The following DCDC1 variants were observed in gnomAD, a reference collection of about 807,000 sequenced individuals.
DCDC1 encodes doublecortin domain containing 1, also known as doublecortin domain-containing protein 1.
A neutral mutation model predicts 178.3 loss-of-function variants in DCDC1; 200 were observed. That is an observed-to-expected ratio of 1.12 (90% CI 1.00 to 1.26). The LOEUF is 1.26. Among genes scored for constraint, DCDC1 ranks in the 50% most tolerant of loss-of-function variants. The pLI is 0.00. For synonymous variants in DCDC1, 690 were observed against 604.8 expected, an observed-to-expected ratio of 1.14 and a Z score of -2.07; for missense variants, 1,983 against 1,749.2, an observed-to-expected ratio of 1.13 and a Z score of -2.38.
At chr11:31,222,756 A>T (rs896144878) in intron 9 of DCDC1, among the ~76,000 whole-genome samples, 1 of 152,060 alleles carries the variant, frequency 6.6e-6, no homozygotes, top group East Asian at 1.9e-4. Flanking sequence ...GAGAGAGTGT[A>T]TGCTCTCTGG....
chr11:31,062,633 A>T (rs1303947084), intron 20 of DCDC1, among the ~76,000 whole-genome samples: 1 of 152,206 alleles, frequency 6.6e-6, no homozygotes, highest in Non-Finnish European at 1.5e-5. Context: ...CAAAACAACA[A>T]GTACAAAAGA....
intron 9 of DCDC1, among the ~76,000 whole-genome samples, chr11:31,234,463 C>A: frequency 6.6e-6 from 1 of 152,016 alleles, no homozygotes; most frequent in East Asian, 1.9e-4. Context: ...GCAATGATAC[C>A]CAAGATGTTT....
At position 31,170,427 on chromosome 11, in the gene DCDC1, G is replaced by A. The variant is rs76683100; in HGVS notation, c.1222-32643C>T. ...ATATCAATGCTAAAGACTTGGTAGGGGTGAGAGAGAAGTATGGAATAGGTA... is the reference window on the plus strand; with the variant it reads ...ATATCAATGCTAAAGACTTGGTAGGAGTGAGAGAGAAGTATGGAATAGGTA... On this transcript the variant is annotated intron_variant, in intron 9 of 38. Coordinates refer to ENST00000684477, the MANE Select transcript of DCDC1 (RefSeq NM_001387274.1). Among the ~76,000 whole-genome samples the A allele has an allele frequency of 2.6e-3, 397 of 152,236 alleles. 1 individual carries two copies. Among genetic ancestry groups the A allele is most frequent in the Non-Finnish European group, 4.3e-3 (291 of 68,020 alleles).
chr11:31,045,734 G>A (rs1359311202), intron 20 of DCDC1, among the ~76,000 whole-genome samples: 1 of 152,092 alleles, frequency 6.6e-6, no homozygotes, highest in Non-Finnish European at 1.5e-5. Context: ...CATAAGTGCA[G>A]TCAAGTAATT....
chr11:31,189,234 C>T (rs1969860516), intron 9 of DCDC1, among the ~76,000 whole-genome samples: 1 of 152,036 alleles, frequency 6.6e-6, no homozygotes, highest in Admixed American at 6.6e-5. Context: ...GGAAAGGACC[C>T]AAATATGAGA....
At chr11:30,888,631 C>T (rs1285228808) in intron 36 of DCDC1, among the ~76,000 whole-genome samples, 3 of 152,146 alleles carry the variant, frequency 2.0e-5, no homozygotes, top group Admixed American at 6.5e-5. Flanking sequence ...GCAGGAGAAT[C>T]GCTTGAACCC....
At chr11:31,144,366 T>C (rs1201214268) in intron 9 of DCDC1, among the ~76,000 whole-genome samples, 1 of 152,108 alleles carries the variant, frequency 6.6e-6, no homozygotes, top group Non-Finnish European at 1.5e-5. Flanking sequence ...ATCAAACTCC[T>C]GAGCAGGTGA....
chr11:31,326,926 T>C (rs1949678358), intron 3 of DCDC1, among the ~76,000 whole-genome samples: 1 of 152,164 alleles, frequency 6.6e-6, no homozygotes, highest in Non-Finnish European at 1.5e-5. Context: ...ATGACAAATA[T>C]CTTTTAGTTC....
At chr11:31,096,095 G>A (rs747091835) in intron 15 of DCDC1, among the ~76,000 whole-genome samples, 3 of 152,060 alleles carry the variant, frequency 2.0e-5, no homozygotes, top group Non-Finnish European at 2.9e-5. Flanking sequence ...ACTATCATAA[G>A]GATAAAACTA....
At chr11:31,097,317 C>T (rs1958226179) in intron 15 of DCDC1, among the ~76,000 whole-genome samples, 1 of 152,102 alleles carries the variant, frequency 6.6e-6, no homozygotes, top group South Asian at 2.1e-4. Context: ...TACTAAGAAA[C>T]AGAACACGAG....
intron 9 of DCDC1, among the ~76,000 whole-genome samples, chr11:31,152,003 C>A (rs1169855904): frequency 1.3e-5 from 2 of 152,164 alleles, no homozygotes; most frequent in African/African-American, 2.4e-5. Flanking sequence ...CATGTTAATT[C>A]ACTTGATGTA....
At chr11:31,077,964 T>G (rs1296311093) in intron 17 of DCDC1, 39 bp from the exon 18 acceptor site, 2 of 763,394 alleles carry the variant, frequency 2.6e-6, no homozygotes, top group Non-Finnish European at 4.8e-6. Context: ...ACATCTTCTC[T>G]CCACAGAAAC....
chr11:31,289,076 T>C (rs1052005541), intron 7 of DCDC1, among the ~76,000 whole-genome samples: 4 of 152,044 alleles, frequency 2.6e-5, no homozygotes, highest in African/African-American at 4.8e-5. Context: ...AAAGACTTCA[T>C]TGATCATCCA....
chr11:31,105,854 G>A (rs903542125), intron 13 of DCDC1, among the ~76,000 whole-genome samples: 3 of 152,062 alleles, frequency 2.0e-5, no homozygotes, highest in African/African-American at 7.2e-5. Context: ...GCTTTGCTAA[G>A]ATTTAGGTTT....
intron 9 of DCDC1, among the ~76,000 whole-genome samples, chr11:31,178,780 C>G (rs546223461): frequency 2.0e-5 from 3 of 152,238 alleles, no homozygotes; most frequent in Admixed American, 2.0e-4. Flanking sequence ...ACAACCTCTA[C>G]CTCCTGGGTT....
At chr11:31,119,044 C>T (rs920082628) in intron 11 of DCDC1, among the ~76,000 whole-genome samples, 4 of 151,972 alleles carry the variant, frequency 2.6e-5, no homozygotes, top group Admixed American at 1.3e-4. Context: ...AGGAGTGGGG[C>T]AATGAGGACA....
chr11:31,179,317 C>T (rs1308692028), intron 9 of DCDC1, among the ~76,000 whole-genome samples: 1 of 152,114 alleles, frequency 6.6e-6, no homozygotes, highest in Non-Finnish European at 1.5e-5. Context: ...CCAGTGATCC[C>T]ATTATTGGAT....
intron 20 of DCDC1, among the ~76,000 whole-genome samples, chr11:31,016,242 C>T (rs892192899): frequency 1.3e-5 from 2 of 152,110 alleles, no homozygotes; most frequent in Non-Finnish European, 1.5e-5. Flanking sequence ...AATGGTGGTT[C>T]TTTTAAATTG....
intron 2 of DCDC1, among the ~76,000 whole-genome samples, chr11:31,333,633 T>C (rs974233174): frequency 2.9e-4 from 44 of 152,186 alleles, no homozygotes; most frequent in Non-Finnish European, 4.9e-4. Context: ...CTCCTTCATT[T>C]ATGAAGCTTA....
Sources: gnomAD v4.1 joint callset for allele counts (sites outside exome capture counted in the v4.1 genomes callset) on GRCh38, gnomAD v4.1.1 for gene constraint, MANE v1.5 for transcripts, NCBI Gene and HGNC (gene_info 2026-07-23, HGNC 2026-07-21) for gene names.